The following DOP1A variants were observed in gnomAD, a reference collection of about 807,000 sequenced individuals.
DOP1A encodes DOP1 leucine zipper like protein A.
In DOP1A, 90 loss-of-function variants were observed where a neutral mutation model predicts 267.6. The observed-to-expected ratio is 0.34, with a 90% CI of 0.28 to 0.40. The LOEUF (loss-of-function observed/expected upper bound fraction) is 0.40, where lower values mean the gene tolerates loss of function less well. DOP1A is among the 10% of genes least tolerant of loss of function. DOP1A has a pLI of 1.00. For synonymous variants in DOP1A, 932 were observed against 999.1 expected (o/e 0.93, Z 1.27); for missense variants, 2,437 against 2,900.4 (o/e 0.84, Z 3.67).
At chr6:83,121,679 T>C (rs879921834) in intron 10 of DOP1A, among the ~76,000 whole-genome samples, 2 of 151,778 alleles carry the variant, frequency 1.3e-5, no homozygotes, top group Non-Finnish European at 3.0e-5. Flanking sequence ...GTAACAGAAC[T>C]ATTAACTGGC....
chr6:83,165,939 C>G, intron 38 of DOP1A: 1 of 371,292 alleles, frequency 2.7e-6, no homozygotes, highest in Non-Finnish European at 5.4e-6. Flanking sequence ...AGACTGGCAG[C>G]AAACCACCAA....
intron 1 of DOP1A, among the ~76,000 whole-genome samples, chr6:83,096,127 A>G (rs1771454777): frequency 6.6e-6 from 1 of 152,098 alleles, no homozygotes; most frequent in Non-Finnish European, 1.5e-5. Flanking sequence ...GCTTTAATAG[A>G]GGCAGAGTCT....
intron 21 of DOP1A, among the ~76,000 whole-genome samples, chr6:83,139,721 T>G (rs890630726): frequency 2.0e-5 from 3 of 152,152 alleles, no homozygotes; most frequent in Non-Finnish European, 4.4e-5. Context: ...TTAATATTAA[T>G]ATGCCTGCCA....
At chr6:83,165,731 T>C (rs1050114389) in intron 38 of DOP1A, 4 of 232,816 alleles carry the variant, frequency 1.7e-5, no homozygotes, top group Non-Finnish European at 3.6e-5. Context: ...GAGGCAAAAC[T>C]TCATAGCCCA....
rs1781856865 is a variant in DOP1A, at chr6:83,152,345, A to C, written c.6107A>C (p.His2036Pro). The C allele has an allele frequency of 6.5e-7, 1 of 1,547,298 alleles. No homozygotes were observed. Among genetic ancestry groups the C allele is most frequent in the Non-Finnish European group, 8.7e-7 (1 of 1,146,358 alleles). Residue 2036 changes from histidine to proline, a missense_variant, in exon 30 of 39, where the codon CAT becomes CCT. His to Pro is a moderately conservative substitution (Grantham distance 77, BLOSUM62 -2). Coordinates refer to ENST00000349129, the MANE Select transcript of DOP1A (RefSeq NM_015018.4). ...ATAACTCCTTCTGTATATAGTGTCC[A>C]TGCATTGACATTACTCTCTGAGGTA... ...ANITPSVYSV[H>P]ALTLLSEVLA...
At chr6:83,091,564 T>G (rs1223697269) in intron 1 of DOP1A, among the ~76,000 whole-genome samples, 1 of 152,170 alleles carries the variant, frequency 6.6e-6, no homozygotes, top group African/African-American at 2.4e-5. Context: ...GTTATAAGCC[T>G]TACAGACATA....
In DOP1A at chr6:83,145,577, A is replaced by G. The variant is rs1438080838; in HGVS notation, c.5595A>G (p.Ser1865=). The G allele has an allele frequency of 6.2e-7, 1 of 1,612,492 alleles. No individual in the cohort carries two copies. The highest frequency in any genetic ancestry group is 1.7e-5 in the Admixed American group (1 of 59,960). ...TTTTATTAGTGGAATTGGTTCGTTC[A>G]ATCAGTGTCATGAGAGCAGAAACTG... ...EQLLLVELVR[S]ISVMRAETVI... The change falls in exon 25 of 39, where the codon TCA becomes TCG. Residue 1865 remains serine, a synonymous_variant. Coordinates refer to ENST00000349129, the MANE Select transcript of DOP1A (RefSeq NM_015018.4).
chr6:83,084,789 C>T (rs1355217774), intron 1 of DOP1A, among the ~76,000 whole-genome samples: 1 of 151,684 alleles, frequency 6.6e-6, no homozygotes, highest in Non-Finnish European at 1.5e-5. Context: ...GATGGTTTCA[C>T]CATGTTGGCC....
At chr6:83,158,545 T>G (rs1783392941) in intron 35 of DOP1A, 22 bp from the exon 36 acceptor site, 1 of 1,567,816 alleles carries the variant, frequency 6.4e-7, no homozygotes, top group Non-Finnish European at 8.7e-7. Context: ...TAAATAAACA[T>G]TTAACATTTC....
chr6:83,156,592 G>A (rs952315554), intron 34 of DOP1A, among the ~76,000 whole-genome samples: 2 of 152,120 alleles, frequency 1.3e-5, no homozygotes, highest in Admixed American at 6.6e-5. Flanking sequence ...ATCAGTACAC[G>A]TGTCATCACC....
At chr6:83,133,546 T>TGA (rs1371430550) in intron 18 of DOP1A, among the ~76,000 whole-genome samples, 1 of 152,126 alleles carries the variant, frequency 6.6e-6, no homozygotes, top group Non-Finnish European at 1.5e-5. Flanking sequence ...TTTGATAGTG[T>TGA]GACAATTTCT....
chr6:83,164,631 G>A (rs1421001398), intron 38 of DOP1A: 1 of 1,554,888 alleles, frequency 6.4e-7, no homozygotes. Flanking sequence ...TGGAACAAAG[G>A]CTGTGAGTTC....
At chr6:83,081,690 G>T (rs986793285) in intron 1 of DOP1A, among the ~76,000 whole-genome samples, 4 of 152,080 alleles carry the variant, frequency 2.6e-5, no homozygotes, top group African/African-American at 9.7e-5. Context: ...AGACAAATGG[G>T]GTTATATGAA....
chr6:83,122,633 C>G (rs892201224), intron 11 of DOP1A, among the ~76,000 whole-genome samples: 1 of 151,956 alleles, frequency 6.6e-6, no homozygotes, highest in Middle Eastern at 3.4e-3. Flanking sequence ...AGAAACTGTG[C>G]AAGTCTCATT....
chr6:83,076,386 G>A (rs1373313725), intron 1 of DOP1A, among the ~76,000 whole-genome samples: 1 of 152,172 alleles, frequency 6.6e-6, no homozygotes, highest in African/African-American at 2.4e-5. Flanking sequence ...GCTGGGCGTG[G>A]TGGTGCACAC....
intron 38 of DOP1A, chr6:83,167,185 C>T (rs979859352): frequency 4.5e-6 from 4 of 890,290 alleles, no homozygotes; most frequent in Non-Finnish European, 2.7e-6. Flanking sequence ...AGTGAGGAAC[C>T]TTTGTATATC....
intron 1 of DOP1A, among the ~76,000 whole-genome samples, chr6:83,084,859 G>A (rs1768794409): frequency 6.6e-6 from 1 of 152,014 alleles, no homozygotes; most frequent in African/African-American, 2.4e-5. Context: ...CCAAAGTGCT[G>A]GGATTACAAG....
At chr6:83,161,320 TAAAGTAG>T (rs1478366519) in intron 37 of DOP1A, 1 of 152,138 alleles carries the variant, frequency 6.6e-6, no homozygotes, top group Admixed American at 6.5e-5. Flanking sequence ...TAAAAATCTA[TAAAGTAG>T]AAAGTGTAAA....
At chr6:83,114,021 G>C (rs974816843) in intron 7 of DOP1A, among the ~76,000 whole-genome samples, 3 of 152,020 alleles carry the variant, frequency 2.0e-5, no homozygotes, top group African/African-American at 7.2e-5. Flanking sequence ...TCAGAATGGT[G>C]GAACTACATA....
Sources: gnomAD v4.1 joint callset for allele counts (sites outside exome capture counted in the v4.1 genomes callset) on GRCh38, gnomAD v4.1.1 for gene constraint, MANE v1.5 for transcripts, NCBI Gene and HGNC (gene_info 2026-07-23, HGNC 2026-07-21) for gene names.